The following RCC1 variants were observed in gnomAD, a reference collection of about 807,000 sequenced individuals.
RCC1 encodes the protein regulator of chromosome condensation 1.
In RCC1, 11 loss-of-function variants were observed where a neutral mutation model predicts 44.4. The ratio of observed to expected loss-of-function variants is 0.25; its 90% CI spans 0.16 to 0.41. RCC1 has a LOEUF of 0.41. Ranked by LOEUF, RCC1 falls within the 10% of genes least tolerant of loss-of-function variation. The probability of loss-of-function intolerance (pLI) is 1.00; values close to 1 mark genes in which losing one functional copy is unlikely to be tolerated. For missense variants in RCC1, 386 were observed against 547.1 expected, an observed-to-expected ratio of 0.71 and a Z score of 2.94; for synonymous variants, 213 against 216.5, an observed-to-expected ratio of 0.98 and a Z score of 0.14.
chr1:28,519,851 G>A (rs1259648844), intron 4 of RCC1, among the ~76,000 whole-genome samples: 1 of 151,258 alleles, frequency 6.6e-6, no homozygotes, highest in Non-Finnish European at 1.5e-5. Context: ...GGAATTACAG[G>A]TGTGAGCCAC....
Position 28,538,171 on chromosome 1 carries a change from C to T in RCC1, c.*164C>T, listed in dbSNP as rs1664673229. ...CAGAATCCTTTTCCTCTTTTCCTTC[C>T]TCCTCTTTGGAATTTTCCTGGGACC... On this transcript the variant is annotated 3_prime_UTR_variant, in exon 13 of 13. Coordinates refer to ENST00000683442, the MANE Select transcript of RCC1 (RefSeq NM_001381865.2). 2 of 622,600 alleles carry T rather than the reference C, an allele frequency of 3.2e-6. No homozygotes were observed. The highest frequency in any genetic ancestry group is 5.3e-6 in the Non-Finnish European group (2 of 378,396). The allele number at this position is 622,600 out of a possible 1,614,324, so 38.6% of individuals were successfully genotyped here. A position where few individuals can be genotyped will look rare whatever the true frequency, so the allele number is the denominator to read the frequency against.
chr1:28,508,213 C>A, intron 2 of RCC1, 53 bp downstream of exon 2: 1 of 421,836 alleles, frequency 2.4e-6, no homozygotes, highest in Non-Finnish European at 4.9e-6. Flanking sequence ...TCAATGATTT[C>A]TGTAATGGAA....
intron 3 of RCC1, chr1:28,510,652 C>CA (rs1662466920): frequency 6.6e-6 from 1 of 152,202 alleles, no homozygotes; most frequent in Non-Finnish European, 1.5e-5. Flanking sequence ...GTGCCAGGCA[C>CA]TGTTCTAGGT....
chr1:28,506,411 C>T lies in RCC1; in HGVS notation c.-262+327C>T, dbSNP rs2840757. 258 of 340,540 alleles carry T rather than the reference C, an allele frequency of 7.6e-4. 7 individuals are homozygous for T. The highest frequency in any genetic ancestry group is 5.4e-3 in the South Asian group (247 of 45,690). The allele number at this position is 340,540 out of a possible 1,614,324, so 21.1% of individuals were successfully genotyped here. On this transcript the variant is annotated intron_variant, in intron 1 of 12. Coordinates refer to ENST00000683442, the MANE Select transcript of RCC1 (RefSeq NM_001381865.2). ...TGTTGGTCAGGCTGGTTTTGAACTC[C>T]TGATTTCCGGTGATCCACCACCCTC...
In RCC1 at chr1:28,536,628, T is replaced by TGGTAGACA; in HGVS notation, c.938-119_938-118insGGTAGACA. ...TGGGAAGAGACACTGCAGATCTCCT[T>TGGTAGACA]CTGATCGCTCTGGGAGCAGGGACAC... On this transcript the variant is annotated intron_variant, in intron 11 of 12. Transcript: ENST00000683442. This position sits in a 1 kb window ranked among gnomAD's most constrained non-coding sequence, Gnocchi z 4.9. The TGGTAGACA allele has an allele frequency of 7.7e-7, 1 of 1,292,116 alleles. No individual in the cohort carries two copies. Among genetic ancestry groups the TGGTAGACA allele is most frequent in the Non-Finnish European group, 1.1e-6 (1 of 924,346 alleles). 80.0% of individuals were successfully genotyped at this position (1,292,116 alleles called of 1,614,324 possible). A position where few individuals can be genotyped will look rare whatever the true frequency, so the allele number is the denominator to read the frequency against.
At chr1:28,535,185 G>T in intron 8 of RCC1, 39 bp downstream of exon 8, 1 of 1,614,020 alleles carries the variant, frequency 6.2e-7, no homozygotes, top group Non-Finnish European at 8.5e-7. Context: ...GGAGTTGGAG[G>T]ACCTTGTTCT....
At chr1:28,521,580 C>G (rs1413181743) in intron 4 of RCC1, among the ~76,000 whole-genome samples, 1 of 152,152 alleles carries the variant, frequency 6.6e-6, no homozygotes, top group African/African-American at 2.4e-5. Flanking sequence ...AGTGCAGGGC[C>G]TCAAGTCTTC....
Position 28,536,477 on chromosome 1 carries a change from C to T in RCC1, c.937+96C>T, listed in dbSNP as rs1664563493. 1 of 1,461,324 alleles carries T rather than the reference C, an allele frequency of 6.8e-7. No individual in the cohort carries two copies. Among genetic ancestry groups the T allele is most frequent in the Non-Finnish European group, 9.3e-7 (1 of 1,080,814 alleles). 90.5% of individuals were successfully genotyped at this position (1,461,324 alleles called of 1,614,324 possible). On this transcript the variant is annotated intron_variant, in intron 11 of 12. Transcript: ENST00000683442. The surrounding 1 kb of genome is among the most constrained non-coding windows in gnomAD (Gnocchi z 4.9). ...AGACCATGGTCCTTGGAGCCTGGGT[C>T]TGTTCCATGGGTTGTACCATACATG...
chr1:28,510,798 A>G (rs1209733491), intron 3 of RCC1: 1 of 152,370 alleles, frequency 6.6e-6, no homozygotes, highest in African/African-American at 2.4e-5. Flanking sequence ...GGAAGAAGCC[A>G]GATGAGTCAG....
rs900031909 is a variant in RCC1, at chr1:28,536,133, A to G, written c.817+107A>G. 5 of 1,540,794 alleles carry G rather than the reference A, an allele frequency of 3.2e-6. No individual in the cohort carries two copies. Among genetic ancestry groups the G allele is most frequent in the Non-Finnish European group, 4.4e-6 (5 of 1,141,352 alleles). On this transcript the variant is annotated intron_variant, in intron 10 of 12. Transcript: ENST00000683442. The surrounding 1 kb of genome is among the most constrained non-coding windows in gnomAD (Gnocchi z 4.9). Reference sequence around the variant, plus strand: ...TTTGCGGGGTCGTCTAACCCCTCCAAGCCAGTTTTGTCATCTGTAAAGTGA... The same window carrying G: ...TTTGCGGGGTCGTCTAACCCCTCCAGGCCAGTTTTGTCATCTGTAAAGTGA...
intron 3 of RCC1, among the ~76,000 whole-genome samples, chr1:28,512,670 CAA>C (rs978963477): frequency 1.1e-4 from 16 of 152,236 alleles, no homozygotes; most frequent in African/African-American, 3.6e-4. Context: ...TAACAACACA[CAA>C]ATTCTGGTAT....
chr1:28,526,712 A>G (rs1160015143), intron 4 of RCC1: 1 of 509,690 alleles, frequency 2.0e-6, no homozygotes, highest in Non-Finnish European at 3.5e-6. Context: ...CCTCACCAAC[A>G]TGGTGAAATC....
intron 4 of RCC1, among the ~76,000 whole-genome samples, chr1:28,521,671 C>T (rs1663295477): frequency 6.6e-6 from 1 of 152,226 alleles, no homozygotes; most frequent in Non-Finnish European, 1.5e-5. Context: ...CGCCACTGTC[C>T]TTCCCCACAT....
Position 28,516,851 on chromosome 1 carries a change from G to C in RCC1, c.-26G>C, listed in dbSNP as rs1424423381. On this transcript the variant is annotated 5_prime_UTR_variant, in exon 4 of 13. Transcript: ENST00000683442. ...AAAAGAGGAGTCCATGATGGAGGCA[G>C]AGGTAAACTTGGAGAGGTAAGAAAC... is the stretch of plus-strand genomic sequence containing the variant. 4.4e-6 allele frequency: 2 copies of C among 456,592 alleles called. No individual in the cohort carries two copies. Among genetic ancestry groups the C allele is most frequent in the Non-Finnish European group, 8.8e-6 (2 of 226,972 alleles). 28.3% of individuals were successfully genotyped at this position (456,592 alleles called of 1,614,324 possible).
intron 4 of RCC1, 105 bp downstream of exon 4, chr1:28,516,972 T>C: frequency 2.4e-6 from 1 of 417,666 alleles, no homozygotes; most frequent in Non-Finnish European, 4.8e-6. Flanking sequence ...AATACGAAAA[T>C]TAGCCAGGCT....
rs1359689930 is a variant in RCC1 at position 28,506,547 on chromosome 1, GTACGCGT to G, written c.-262+466_-262+472del. On this transcript the variant is annotated intron_variant, in intron 1 of 12. Transcript: ENST00000683442. ...AGGCGGCATCGGTCCCAACTCTAAA[GTACGCGT>G]TAGACGGGCCTGGGCCAGAAGTGGG... 7 of 233,056 alleles carry G rather than the reference GTACGCGT, an allele frequency of 3.0e-5. No homozygotes were observed. In the South Asian group the frequency reaches 3.0e-4, roughly 10 times the overall value. The allele number at this position is 233,056 out of a possible 1,614,324, so 14.4% of individuals were successfully genotyped here. A position where few individuals can be genotyped will look rare whatever the true frequency, so the allele number is the denominator to read the frequency against.
chr1:28,527,093 C>A, intron 4 of RCC1: 2 of 1,009,982 alleles, frequency 2.0e-6, no homozygotes, highest in Non-Finnish European at 1.6e-6. Context: ...CGGAACCAGA[C>A]CACAATATGT....
At position 28,536,099 on chromosome 1, in the gene RCC1, T is replaced by C; in HGVS notation, c.817+73T>C. 6.4e-7 allele frequency: 1 copy of C among 1,551,476 alleles called. No homozygotes were observed. The highest frequency in any genetic ancestry group is 8.7e-7 in the Non-Finnish European group (1 of 1,147,200). On this transcript the variant is annotated intron_variant, in intron 10 of 12. Transcript: ENST00000683442. The surrounding 1 kb of genome is among the most constrained non-coding windows in gnomAD (Gnocchi z 4.9). ...TGTCCTGGCTCTGCCACTCATTCAT[T>C]GTGCATCCTTTGCGGGGTCGTCTAA...
At chr1:28,507,737 G>A (rs1180181946) in intron 1 of RCC1, 2 of 345,204 alleles carry the variant, frequency 5.8e-6, no homozygotes, top group Non-Finnish European at 1.1e-5. Flanking sequence ...CTCCTGAGTA[G>A]CTGGGATTAC....
Sources: allele counts gnomAD v4.1 joint callset (sites outside exome capture counted in the v4.1 genomes callset), GRCh38; gene constraint gnomAD v4.1.1; non-coding constraint Gnocchi (gnomAD v3.1); transcripts MANE v1.5; gene names NCBI Gene and HGNC (gene_info 2026-07-23, HGNC 2026-07-21).